Variants in TCTN3 observed in about 807,000 individuals in gnomAD.
The protein encoded by TCTN3 is tectonic family member 3.
A neutral mutation model predicts 71.3 loss-of-function variants in TCTN3; 57 were observed. The observed-to-expected ratio is 0.80, with a 90% CI of 0.65 to 1.00. The LOEUF is 1.00. TCTN3 is among the 50% of genes least tolerant of loss of function. The probability of loss-of-function intolerance (pLI) is 0.00; values close to 1 mark genes in which losing one functional copy is unlikely to be tolerated. For missense variants in TCTN3, 696 were observed against 719.9 expected (o/e 0.97, Z 0.38); for synonymous variants, 258 against 267.8 (o/e 0.96, Z 0.36).
rs1281076493 is a variant in TCTN3, at chr10:95,687,152, T to C, written c.744A>G (p.Leu248=). The C allele has an allele frequency of 2.5e-6, 4 of 1,613,912 alleles. No homozygotes were observed. The East Asian group carries it at 8.9e-5, about 36-fold the overall frequency. The stretch of plus-strand genomic sequence containing the variant: ...GAGTGCAAGTTGTACTTTTACTCTC[T>C]AGGAAACCTTAAACACAAATAATTA... ...LCAESNPAGF[L]ESKSTTCTRF... The change falls in exon 6 of 14, where the codon CTA becomes CTG. Residue 248 remains leucine (L), a synonymous_variant. Coordinates refer to ENST00000371217, the MANE Select transcript of TCTN3 (RefSeq NM_015631.6).
At chr10:95,683,731 A>G (rs570402545) in intron 9 of TCTN3, 102 bp from the exon 10 acceptor site, 130 of 933,028 alleles carry the variant, frequency 1.4e-4, no homozygotes, top group Admixed American at 5.2e-4. Context: ...AGGAAATGCA[A>G]TAAGTGAGCT....
intron 13 of TCTN3, among the ~76,000 whole-genome samples, chr10:95,677,479 T>TTTG (rs1555269131): frequency 1.5e-4 from 12 of 80,456 alleles, no homozygotes; most frequent in African/African-American, 5.0e-4. Flanking sequence ...CTACAGTTTT[T>TTTG]TTTGTTTTTT....
At chr10:95,689,880 A>C (rs765928091) in intron 3 of TCTN3, among the ~76,000 whole-genome samples, 25 of 152,236 alleles carry the variant, frequency 1.6e-4, no homozygotes, top group Admixed American at 1.1e-3. Context: ...CAGAGCCAAG[A>C]GTAGATTGCA....
At chr10:95,693,166 G>T in intron 2 of TCTN3, 128 bp from the exon 3 acceptor site, 1 of 1,190,222 alleles carries the variant, frequency 8.4e-7, no homozygotes, top group Non-Finnish European at 1.2e-6. Context: ...ACGACACGAA[G>T]GTCTTATTCT....
rs181040273 is a variant in TCTN3 at position 95,675,422 on chromosome 10, G to C, written c.1590+5050C>G. Among the ~76,000 whole-genome samples, 93 of 152,032 alleles carry C rather than the reference G, an allele frequency of 6.1e-4. 1 individual carries two copies. Among genetic ancestry groups the C allele is most frequent in the Admixed American group, 6.1e-3 (93 of 15,248 alleles). On this transcript the variant is annotated intron_variant, in intron 13 of 13. Transcript: ENST00000371217. The stretch of plus-strand genomic sequence containing the variant: ...TATATTTTAACATAGGAAACATTAA[G>C]CAAACTTTGAAAAGTTCTTTTAAAA...
chr10:95,669,313 G>C (rs2139702116), intron 13 of TCTN3, among the ~76,000 whole-genome samples: 1 of 152,280 alleles, frequency 6.6e-6, no homozygotes, highest in South Asian at 2.1e-4. Context: ...CAACCACAAA[G>C]AAATGACAAA....
chr10:95,693,439 G>C lies in TCTN3; in HGVS notation c.294C>G (p.Ala98=). The change falls in exon 2 of 14, where the codon GCC becomes GCG. Residue 98 remains alanine (A), a synonymous_variant. Transcript: ENST00000371217. ...TGTCGCAGCAGCAATTTATATCGCA[G>C]GCTCCAGGAGTCAAGTCACAGACAC... ...PICVCDLTPG[A]CDINCCCDRD... is the part of the protein sequence containing the mutation. The C allele has an allele frequency of 6.4e-7, 1 of 1,552,172 alleles. No homozygotes were observed. The highest frequency in any genetic ancestry group is 8.7e-7 in the Non-Finnish European group (1 of 1,147,102).
chr10:95,664,832 CAG>C (rs1271544161), intron 13 of TCTN3, among the ~76,000 whole-genome samples: 1 of 152,190 alleles, frequency 6.6e-6, no homozygotes, highest in Non-Finnish European at 1.5e-5. Context: ...TCTGACCTAA[CAG>C]ATGTAGCTTT....
In TCTN3 at chr10:95,683,677, C is replaced by A. The variant is rs779936552; in HGVS notation, c.1096-48G>T. The stretch of plus-strand genomic sequence containing the variant: ...TCAATTATGGAGATAAGCATACTTT[C>A]CCACCTCCCACTGCTTGGCTTCACC... On this transcript the variant is annotated intron_variant, in intron 9 of 13. Coordinates refer to ENST00000371217, the MANE Select transcript of TCTN3 (RefSeq NM_015631.6). 8 of 1,516,008 alleles carry A rather than the reference C, an allele frequency of 5.3e-6. No individual in the cohort carries two copies. The East Asian group carries it at 1.6e-4, about 30-fold the overall frequency. 93.9% of individuals were successfully genotyped at this position (1,516,008 alleles called of 1,614,324 possible). A position where few individuals can be genotyped will look rare whatever the true frequency, so the allele number is the denominator to read the frequency against.
At chr10:95,677,174 A>C (rs1175163508) in intron 13 of TCTN3, among the ~76,000 whole-genome samples, 1 of 152,116 alleles carries the variant, frequency 6.6e-6, no homozygotes, top group African/African-American at 2.4e-5. Flanking sequence ...ATTCCTTAAA[A>C]CTAGTTGTTT....
At chr10:95,670,810 A>G (rs926862214) in intron 13 of TCTN3, among the ~76,000 whole-genome samples, 1 of 151,928 alleles carries the variant, frequency 6.6e-6, no homozygotes, top group African/African-American at 2.4e-5. Context: ...ATACAGGTGC[A>G]TGCCACCATG....
At chr10:95,682,347 G>A (rs1288898415) in intron 12 of TCTN3, among the ~76,000 whole-genome samples, 12 of 151,774 alleles carry the variant, frequency 7.9e-5, no homozygotes, top group East Asian at 1.9e-4. Context: ...AAAATTAGCC[G>A]GGTGTGGTGG....
intron 13 of TCTN3, among the ~76,000 whole-genome samples, chr10:95,673,879 T>C (rs972305549): frequency 1.3e-5 from 2 of 152,186 alleles, no homozygotes; most frequent in African/African-American, 4.8e-5. Context: ...TTTAAAATTT[T>C]TCCCATTGAA....
At position 95,685,625 on chromosome 10, in the gene TCTN3, A is replaced by G; in HGVS notation, c.900T>C (p.Pro300=). 1 of 1,551,358 alleles carries G rather than the reference A, an allele frequency of 6.4e-7. No individual in the cohort carries two copies. Among genetic ancestry groups the G allele is most frequent in the Non-Finnish European group, 8.7e-7 (1 of 1,146,760 alleles). ...TDPQNMEFQV[P]VILTSQANAP... Reference sequence around the variant, plus strand: ...CATTAGCCTGTGAGGTAAGTATTACAGGAACCTGGAACTAGCAACGAAAAG... The same window carrying G: ...CATTAGCCTGTGAGGTAAGTATTACGGGAACCTGGAACTAGCAACGAAAAG... The change falls in exon 8 of 14, where the codon CCT becomes CCC. Residue 300 remains proline (P), a synonymous_variant. Transcript: ENST00000371217.
chr10:95,677,478 TTTTTG>T (rs1186200073), intron 13 of TCTN3, among the ~76,000 whole-genome samples: 6 of 78,468 alleles, frequency 7.6e-5, no homozygotes, highest in Non-Finnish European at 1.2e-4. Context: ...TCTACAGTTT[TTTTTG>T]TTTTTTTTTT....
chr10:95,666,345 G>A (rs1370094543), intron 13 of TCTN3, among the ~76,000 whole-genome samples: 2 of 151,762 alleles, frequency 1.3e-5, no homozygotes, highest in Admixed American at 6.6e-5. Flanking sequence ...AGGATGGCCA[G>A]CCTGGGCTGA....
intron 12 of TCTN3, among the ~76,000 whole-genome samples, chr10:95,681,415 A>G (rs373669301): frequency 2.0e-5 from 3 of 152,094 alleles, no homozygotes; most frequent in Non-Finnish European, 4.4e-5. Flanking sequence ...AGTATCTCCT[A>G]TGTGTGAGCT....
chr10:95,689,055 T>A (rs1252994762), intron 3 of TCTN3, among the ~76,000 whole-genome samples: 2 of 152,174 alleles, frequency 1.3e-5, no homozygotes, highest in Non-Finnish European at 2.9e-5. Flanking sequence ...ACCTTTACCC[T>A]CTGTGATAAT....
intron 6 of TCTN3, 128 bp from the exon 7 acceptor site, chr10:95,686,658 A>G: frequency 1.2e-6 from 1 of 852,636 alleles, no homozygotes; most frequent in Non-Finnish European, 1.9e-6. Flanking sequence ...AGAATGATTT[A>G]CTTCCTCTAT....
Sources: gnomAD v4.1 joint callset for allele counts (sites outside exome capture counted in the v4.1 genomes callset) on GRCh38, gnomAD v4.1.1 for gene constraint, MANE v1.5 for transcripts, NCBI Gene and HGNC (gene_info 2026-07-23, HGNC 2026-07-21) for gene names.